PRR14L: variants seen among roughly 807,000 people sequenced by gnomAD.
The protein encoded by PRR14L is protein PRR14L.
PRR14L carries 80 observed loss-of-function variants against 155.0 expected under a neutral mutation model. The ratio of observed to expected loss-of-function variants is 0.52; its 90% CI spans 0.43 to 0.62. The LOEUF (loss-of-function observed/expected upper bound fraction) is 0.62, where lower values mean the gene tolerates loss of function less well. PRR14L is among the 20% of genes least tolerant of loss of function. The pLI is 0.00. For synonymous variants in PRR14L, 883 were observed against 916.0 expected, an observed-to-expected ratio of 0.96 and a Z score of 0.65; for missense variants, 2,469 against 2,548.0, an observed-to-expected ratio of 0.97 and a Z score of 0.67.
intron 2 of PRR14L, among the ~76,000 whole-genome samples, chr22:31,730,776 G>GT (rs2074745065): frequency 6.6e-6 from 1 of 152,110 alleles, no homozygotes; most frequent in South Asian, 2.1e-4. Flanking sequence ...GCCAAACAGT[G>GT]TTTTTTCTAT....
At chr22:31,727,644 G>A (rs571336985) in intron 2 of PRR14L, among the ~76,000 whole-genome samples, 2 of 152,224 alleles carry the variant, frequency 1.3e-5, no homozygotes, top group African/African-American at 2.4e-5. Context: ...AGGAAGGCTG[G>A]AGACTCTACA....
intron 2 of PRR14L, among the ~76,000 whole-genome samples, chr22:31,737,136 G>C (rs2147875376): frequency 6.7e-6 from 1 of 150,166 alleles, no homozygotes; most frequent in East Asian, 2.0e-4. Flanking sequence ...CCCTGGGTTA[G>C]AAAACCACCC....
intron 4 of PRR14L, among the ~76,000 whole-genome samples, chr22:31,706,158 C>T (rs920529407): frequency 6.6e-6 from 1 of 151,760 alleles, no homozygotes; most frequent in African/African-American, 2.4e-5. Context: ...ACGATGAAAC[C>T]CTGTCTCTAC....
intron 3 of PRR14L, among the ~76,000 whole-genome samples, chr22:31,717,918 C>T (rs1260554797): frequency 1.3e-5 from 2 of 151,782 alleles, no homozygotes; most frequent in African/African-American, 2.4e-5. Context: ...TGCAACCACC[C>T]CCAGCTAATT....
chr22:31,716,067 T>G lies in PRR14L; in HGVS notation c.1772A>C (p.Lys591Thr). The G allele has an allele frequency of 1.3e-6, 2 of 1,550,894 alleles. No individual in the cohort carries two copies. Among genetic ancestry groups the G allele is most frequent in the East Asian group, 4.9e-5 (2 of 40,918 alleles). Reference protein sequence around the residue: ...ISPVSEVLKPKQGTALLLPSP... With the variant: ...ISPVSEVLKPTQGTALLLPSP... ...TGGTAGCAACAGAGCAGTACCTTGC[T>G]TGGGTTTTAATACCTCACTTACAGG... The change falls in exon 4 of 9, where the codon AAG (lysine) becomes ACG (threonine). Residue 591 changes from lysine to threonine, a missense_variant. Coordinates refer to ENST00000327423, the MANE Select transcript of PRR14L (RefSeq NM_173566.3).
intron 2 of PRR14L, among the ~76,000 whole-genome samples, chr22:31,730,973 A>C (rs2074745893): frequency 6.6e-6 from 1 of 152,142 alleles, no homozygotes; most frequent in South Asian, 2.1e-4. Context: ...CATTTATTTT[A>C]AGCTCAAATC....
chr22:31,725,551 A>G lies in PRR14L; in HGVS notation c.534T>C (p.Phe178=). ...ELSHVDLPED[F]LRSKEGNVQI... is the part of the protein sequence containing the mutation. ...AGAAATAAATACCTTTGCTCCTTAG[A>G]AAATCTTCAGGGAGGTCCACATGTG... The change falls in exon 3 of 9, where the codon TTT becomes TTC. Residue 178 remains phenylalanine (F), a synonymous_variant. Coordinates refer to ENST00000327423, the MANE Select transcript of PRR14L (RefSeq NM_173566.3). 2.6e-6 allele frequency: 4 copies of G among 1,549,572 alleles called. No homozygotes were observed. Among genetic ancestry groups the G allele is most frequent in the Non-Finnish European group, 3.5e-6 (4 of 1,145,062 alleles).
At chr22:31,691,299 T>A (rs1043844916) in intron 7 of PRR14L, among the ~76,000 whole-genome samples, 5 of 151,906 alleles carry the variant, frequency 3.3e-5, no homozygotes, top group Non-Finnish European at 5.9e-5. Context: ...GTCTATGTTG[T>A]ACAGGCTAGC....
intron 1 of PRR14L, 55 bp from the exon 2 acceptor site, chr22:31,738,966 A>G: frequency 1.3e-6 from 1 of 758,404 alleles, no homozygotes; most frequent in Non-Finnish European, 2.1e-6. Context: ...GGTTAGAAGA[A>G]GGCTGCCTCA....
At position 31,706,364 on chromosome 22, in the gene PRR14L, C is replaced by CAAAAA. The variant is rs1192585065; in HGVS notation, c.5757-1643_5757-1639dup. ...GGCGACAGAGCAAGACTCTATCTCA[C>CAAAAA]AAAAAAAAAAAAAAAAAAGGAGAAA... On this transcript the variant is annotated intron_variant, in intron 4 of 8. Coordinates refer to ENST00000327423, the MANE Select transcript of PRR14L (RefSeq NM_173566.3). 6.3e-4 allele frequency among the ~76,000 whole-genome samples: 36 copies of CAAAAA among 57,110 alleles called. 2 individuals are homozygous for CAAAAA. The highest frequency in any genetic ancestry group is 2.2e-3 in the African/African-American group (35 of 15,812). 37.5% of individuals were successfully genotyped at this position (57,110 alleles called of 152,430 possible).
At chr22:31,739,253 TTC>T (rs1307497262) in intron 1 of PRR14L, among the ~76,000 whole-genome samples, 3 of 152,204 alleles carry the variant, frequency 2.0e-5, no homozygotes, top group Admixed American at 6.5e-5. Context: ...AAAGATGGTT[TTC>T]TGTTTGTTTT....
At chr22:31,747,371 C>G (rs1436636713) in intron 1 of PRR14L, among the ~76,000 whole-genome samples, 1 of 150,832 alleles carries the variant, frequency 6.6e-6, no homozygotes, top group Non-Finnish European at 1.5e-5. Context: ...GCCTCGGCCT[C>G]CCAAAGTGCT....
At chr22:31,691,533 C>T (rs2074511647) in intron 7 of PRR14L, among the ~76,000 whole-genome samples, 1 of 152,130 alleles carries the variant, frequency 6.6e-6, no homozygotes, top group African/African-American at 2.4e-5. Context: ...AAAACACTTT[C>T]ATAACTCCAA....
intron 8 of PRR14L, among the ~76,000 whole-genome samples, chr22:31,687,429 C>T (rs1012182247): frequency 6.6e-6 from 1 of 151,376 alleles, no homozygotes; most frequent in African/African-American, 2.4e-5. Flanking sequence ...TCTTAGCTCA[C>T]TGCCATCTCC....
chr22:31,697,389 G>A (rs1383010321), intron 7 of PRR14L, among the ~76,000 whole-genome samples: 2 of 151,662 alleles, frequency 1.3e-5, no homozygotes, highest in Admixed American at 1.3e-4. Flanking sequence ...TTGTCAGAGT[G>A]ACTTTGCCTC....
At chr22:31,723,518 T>C (rs542157142) in intron 3 of PRR14L, among the ~76,000 whole-genome samples, 1 of 152,286 alleles carries the variant, frequency 6.6e-6, no homozygotes, top group African/African-American at 2.4e-5. Flanking sequence ...TACCAAAGAC[T>C]GAATACAGCA....
intron 1 of PRR14L, among the ~76,000 whole-genome samples, chr22:31,740,044 G>A (rs2074804122): frequency 6.6e-6 from 1 of 151,954 alleles, no homozygotes; most frequent in African/African-American, 2.4e-5. Context: ...AAATGGGTCA[G>A]CCAGATAAGA....
Position 31,684,220 on chromosome 22 carries a change from G to A in PRR14L, c.*1307C>T, listed in dbSNP as rs1386428878. 6.6e-6 allele frequency: 1 copy of A among 152,346 alleles called. No individual in the cohort carries two copies. The highest frequency in any genetic ancestry group is 1.5e-5 in the Non-Finnish European group (1 of 68,044). 9.4% of individuals were successfully genotyped at this position (152,346 alleles called of 1,614,324 possible). ...CCTGCAGGCACAAACCCAGAAACTC[G>A]GCTAACTCCAGCATTTGACAGTTCC... On this transcript the variant is annotated 3_prime_UTR_variant, in exon 9 of 9. Transcript: ENST00000327423.
chr22:31,720,702 T>C (rs149447563), intron 3 of PRR14L, among the ~76,000 whole-genome samples: 1 of 152,220 alleles, frequency 6.6e-6, no homozygotes, highest in Admixed American at 6.5e-5. Flanking sequence ...GCCACTGCAC[T>C]GCAGCCTGGG....
Sources: gnomAD v4.1 joint callset for allele counts (sites outside exome capture counted in the v4.1 genomes callset) on GRCh38, gnomAD v4.1.1 for gene constraint, MANE v1.5 for transcripts, NCBI Gene and HGNC (gene_info 2026-07-23, HGNC 2026-07-21) for gene names.